The following SLC41A3 variants were observed in gnomAD, a reference collection of about 807,000 sequenced individuals.
The protein encoded by SLC41A3 is SLC41A1-like 2.
A neutral mutation model predicts 45.4 loss-of-function variants in SLC41A3; 44 were observed. That is an observed-to-expected ratio of 0.97 (90% CI 0.76 to 1.25). The LOEUF is 1.25. Among genes scored for constraint, SLC41A3 ranks in the 50% most tolerant of loss-of-function variants. The pLI, the probability that SLC41A3 is intolerant of heterozygous loss-of-function variation, is 0.00. For synonymous variants in SLC41A3, 256 were observed against 252.4 expected (o/e 1.01, Z -0.13); for missense variants, 550 against 600.6 (o/e 0.92, Z 0.88).
intron 2 of SLC41A3, among the ~76,000 whole-genome samples, chr3:126,066,990 A>G (rs1280400889): frequency 6.6e-6 from 1 of 152,074 alleles, no homozygotes; most frequent in African/African-American, 2.4e-5. Flanking sequence ...CTGCAGACTC[A>G]GAGCACAGCC....
intron 1 of SLC41A3, among the ~76,000 whole-genome samples, chr3:126,077,514 T>G (rs1243038458): frequency 6.6e-6 from 1 of 152,164 alleles, no homozygotes; most frequent in African/African-American, 2.4e-5. Flanking sequence ...ACACACTCAC[T>G]GTTTTTTTTA....
chr3:126,068,379 T>C, intron 1 of SLC41A3, 133 bp from the exon 2 acceptor site: 2 of 700,570 alleles, frequency 2.9e-6, no homozygotes, highest in Non-Finnish European at 4.2e-6. Context: ...ACTCAGCACC[T>C]GCTCCACCAG....
chr3:126,012,732 C>A lies in SLC41A3; in HGVS notation c.988G>T (p.Val330Leu). Residue 330 changes from valine (V) to leucine (L), a missense_variant, in exon 9 of 11, where the codon GTG becomes TTG. Val to Leu is a conservative substitution (Grantham distance 32, BLOSUM62 1). Transcript: ENST00000360370. ...PVICGVGGNL[V>L]AIQTSRISTY... ...GAGATTCGGCTGGTCTGAATGGCCA[C>A]CAGATTGCCACCAACACCTACGAGG... 2 of 1,614,178 alleles carry A rather than the reference C, an allele frequency of 1.2e-6. No homozygotes were observed. Among genetic ancestry groups the A allele is most frequent in the South Asian group, 1.1e-5 (1 of 91,086 alleles).
At chr3:126,079,237 CA>C in intron 1 of SLC41A3, among the ~76,000 whole-genome samples, 1 of 112,954 alleles carries the variant, frequency 8.9e-6, no homozygotes, top group East Asian at 2.1e-4. Context: ...CACACACACA[CA>C]CCCACACACG....
At chr3:126,068,912 T>C (rs1360977169) in intron 1 of SLC41A3, among the ~76,000 whole-genome samples, 1 of 152,080 alleles carries the variant, frequency 6.6e-6, no homozygotes, top group Non-Finnish European at 1.5e-5. Flanking sequence ...GTGCAAAACC[T>C]TTTGCCCTGG....
chr3:126,084,234 C>G (rs992715581), upstream of SLC41A3: 1 of 152,022 alleles, frequency 6.6e-6, no homozygotes, highest in Non-Finnish European at 1.5e-5. Context: ...ACTTGGCGCT[C>G]CGGGACAGCA....
rs191374970 is a variant in SLC41A3 at position 126,082,286 on chromosome 3, G to A, written c.-28+1807C>T. Among the ~76,000 whole-genome samples, 6 of 152,362 alleles carry A rather than the reference G, an allele frequency of 3.9e-5. No homozygotes were observed. The East Asian group carries it at 1.2e-3, about 29-fold the overall frequency. ...CCTCTAATCCCAGAGCCCCAGGGAG[G>A]AGCCAAGATGCCAGAAGATGCCAGT... On this transcript the variant is annotated intron_variant, in intron 1 of 10. Transcript: ENST00000360370.
intron 1 of SLC41A3, among the ~76,000 whole-genome samples, chr3:126,098,271 G>A (rs1053428466): frequency 6.6e-6 from 1 of 152,148 alleles, no homozygotes; most frequent in African/African-American, 2.4e-5. Context: ...GTCCTTAGAA[G>A]AGATGGGAAA....
At chr3:126,079,430 G>C (rs975484054) in intron 1 of SLC41A3, among the ~76,000 whole-genome samples, 1 of 152,000 alleles carries the variant, frequency 6.6e-6, no homozygotes, top group African/African-American at 2.4e-5. Context: ...AAAATAGTTG[G>C]ACCCAATACA....
intron 1 of SLC41A3, among the ~76,000 whole-genome samples, chr3:126,073,727 A>G (rs1023455162): frequency 6.6e-6 from 1 of 152,212 alleles, no homozygotes; most frequent in Non-Finnish European, 1.5e-5. Flanking sequence ...TAGTAATCAA[A>G]AAACTTCCCA....
chr3:126,090,803 G>A (rs1945475625), intron 1 of SLC41A3, among the ~76,000 whole-genome samples: 1 of 152,162 alleles, frequency 6.6e-6, no homozygotes, highest in Non-Finnish European at 1.5e-5. Flanking sequence ...GAGGAAGAGT[G>A]GGGCATGTGA....
At chr3:126,053,418 C>T (rs920870490) in intron 2 of SLC41A3, among the ~76,000 whole-genome samples, 28 of 152,176 alleles carry the variant, frequency 1.8e-4, no homozygotes, top group Non-Finnish European at 3.1e-4. Flanking sequence ...AAGCTACCTC[C>T]TCTGTGGTAT....
At chr3:126,028,219 G>C (rs551224097) in intron 4 of SLC41A3, among the ~76,000 whole-genome samples, 1 of 152,180 alleles carries the variant, frequency 6.6e-6, no homozygotes, top group Non-Finnish European at 1.5e-5. Context: ...GACCTTATTG[G>C]CAGCCCCTCC....
At chr3:126,086,342 A>G (rs1267283263), upstream of SLC41A3, among the ~76,000 whole-genome samples, 5 of 145,800 alleles carry the variant, frequency 3.4e-5, no homozygotes, top group Non-Finnish European at 7.5e-5. Flanking sequence ...ATCTGCTTTT[A>G]CTTTTGTACT....
chr3:126,096,528 C>T (rs2108139740), intron 1 of SLC41A3, among the ~76,000 whole-genome samples: 1 of 152,348 alleles, frequency 6.6e-6, no homozygotes, highest in African/African-American at 2.4e-5. Flanking sequence ...GCAAGGAACA[C>T]CTGGCCTGCC....
intron 1 of SLC41A3, among the ~76,000 whole-genome samples, chr3:126,098,485 C>T (rs933702929): frequency 3.3e-5 from 5 of 152,210 alleles, no homozygotes; most frequent in African/African-American, 1.2e-4. Flanking sequence ...AGTATGGCGC[C>T]TCACATGTAG....
At chr3:126,047,446 G>A (rs1169400826) in intron 3 of SLC41A3, among the ~76,000 whole-genome samples, 4 of 152,190 alleles carry the variant, frequency 2.6e-5, no homozygotes, top group Non-Finnish European at 4.4e-5. Flanking sequence ...AAGGGACCCT[G>A]AATAGCCAAA....
chr3:126,098,223 G>A (rs1176269025), intron 1 of SLC41A3, among the ~76,000 whole-genome samples: 2 of 152,208 alleles, frequency 1.3e-5, no homozygotes, highest in Admixed American at 6.5e-5. Context: ...AAGATTCAGT[G>A]AGGTTATAAG....
chr3:126,040,444 G>T (rs79277168), intron 3 of SLC41A3, among the ~76,000 whole-genome samples: 3,048 of 152,262 alleles, frequency 0.02, 103 homozygotes, highest in African/African-American at 0.069. Context: ...AAACGACAGA[G>T]GAAAGGCCTA....
Sources: gnomAD v4.1 joint callset for allele counts (sites outside exome capture counted in the v4.1 genomes callset) on GRCh38, gnomAD v4.1.1 for gene constraint, MANE v1.5 for transcripts, NCBI Gene and HGNC (gene_info 2026-07-23, HGNC 2026-07-21) for gene names.